The following PPARG variants were observed in gnomAD, a reference collection of about 807,000 sequenced individuals.
The protein encoded by PPARG is peroxisome proliferator activated receptor gamma.
A neutral mutation model predicts 39.2 loss-of-function variants in PPARG; 17 were observed. The ratio of observed to expected loss-of-function variants is 0.43; its 90% confidence interval spans 0.30 to 0.65. PPARG has a LOEUF of 0.65. Among genes scored for constraint, PPARG ranks in the 30% least tolerant of loss-of-function variants. The probability of loss-of-function intolerance (pLI) is 0.13; values close to 1 mark genes in which losing one functional copy is unlikely to be tolerated. For synonymous variants in PPARG, 223 were observed against 215.7 expected (o/e 1.03, Z -0.30); for missense variants, 406 against 585.9 (o/e 0.69, Z 3.17).
At chr3:12,379,426 G>A (rs1320926221) in intron 2 of PPARG, among the ~76,000 whole-genome samples, 2 of 152,184 alleles carry the variant, frequency 1.3e-5, no homozygotes, top group Non-Finnish European at 2.9e-5. Context: ...GTTAATGAGA[G>A]CAGGCCTGTT....
At position 12,434,277 on chromosome 3, in the gene PPARG, T is replaced by C. The variant is rs1187220612; in HGVS notation, c.*132T>C. On this transcript the variant is annotated 3_prime_UTR_variant, in exon 8 of 8. Coordinates refer to ENST00000651735, the MANE Select transcript of PPARG (RefSeq NM_138711.6). The surrounding 1 kb of genome is among the most constrained non-coding windows in gnomAD (Gnocchi z 4.2). ...AAAGGTTTTAGAATATGATCTATTT[T>C]ATGCATATTGTTTATAAAGACACAT... The C allele has an allele frequency of 8.6e-7, 1 of 1,165,996 alleles. No homozygotes were observed. The highest frequency in any genetic ancestry group is 1.2e-6 in the Non-Finnish European group (1 of 808,510). 72.2% of individuals were successfully genotyped at this position (1,165,996 alleles called of 1,614,324 possible). A position where few individuals can be genotyped will look rare whatever the true frequency, so the allele number is the denominator to read the frequency against.
At chr3:12,361,881 G>A (rs2048857627) in intron 2 of PPARG, among the ~76,000 whole-genome samples, 1 of 152,104 alleles carries the variant, frequency 6.6e-6, no homozygotes, top group South Asian at 2.1e-4. Flanking sequence ...GATTTTGATT[G>A]GAATTGTTCT....
intron 2 of PPARG, among the ~76,000 whole-genome samples, chr3:12,355,524 G>A (rs532653752): frequency 6.6e-6 from 1 of 152,112 alleles, no homozygotes; most frequent in South Asian, 2.1e-4. Context: ...TTCTGAGTAT[G>A]GCTCTAGCTT....
chr3:12,314,950 T>C (rs938663312), intron 2 of PPARG, among the ~76,000 whole-genome samples: 1 of 152,196 alleles, frequency 6.6e-6, no homozygotes, highest in South Asian at 2.1e-4. Flanking sequence ...CAGACACTTA[T>C]CATTTTTTTG....
At chr3:12,396,757 CAAA>C (rs1208855424) in intron 5 of PPARG, among the ~76,000 whole-genome samples, 7 of 56,248 alleles carry the variant, frequency 1.2e-4, no homozygotes, top group Admixed American at 1.9e-4. Context: ...GACCCAGTCT[CAAA>C]AAAAAAAAAA....
At chr3:12,307,839 G>A (rs377126335) in intron 1 of PPARG, among the ~76,000 whole-genome samples, 1 of 152,156 alleles carries the variant, frequency 6.6e-6, no homozygotes, top group Non-Finnish European at 1.5e-5. Context: ...CAGAGAATGA[G>A]GAGTTGTCCA....
At chr3:12,310,563 A>C (rs1190159356) in intron 1 of PPARG, among the ~76,000 whole-genome samples, 1 of 84,234 alleles carries the variant, frequency 1.2e-5, no homozygotes, top group Non-Finnish European at 2.4e-5. Flanking sequence ...TCCTGGGTTC[A>C]CGCCATTCTC....
intron 2 of PPARG, among the ~76,000 whole-genome samples, chr3:12,347,602 G>C (rs2125084969): frequency 6.6e-6 from 1 of 152,304 alleles, no homozygotes; most frequent in East Asian, 1.9e-4. Context: ...GGAAAAGGCA[G>C]CCATTCTTTT....
chr3:12,379,872 CAAG>C lies in PPARG; in HGVS notation c.164_166del (p.Arg55del). On this transcript the variant is annotated inframe_deletion, in exon 3 of 8. Coordinates refer to ENST00000651735, the MANE Select transcript of PPARG (RefSeq NM_138711.6). ...CCACATTACGAAGACATTCCATTCA[CAAG>C]AACAGATCCAGTGGTTGCAGATTAC... is the stretch of plus-strand genomic sequence containing the variant. 1 of 1,613,894 alleles carries C rather than the reference CAAG, an allele frequency of 6.2e-7. No homozygotes were observed.
At chr3:12,346,238 A>G (rs2125081540) in intron 2 of PPARG, among the ~76,000 whole-genome samples, 1 of 152,316 alleles carries the variant, frequency 6.6e-6, no homozygotes, top group South Asian at 2.1e-4. Flanking sequence ...ATCATCAGAC[A>G]CTATTTTTTC....
At chr3:12,425,681 G>A (rs1323550540) in intron 7 of PPARG, among the ~76,000 whole-genome samples, 2 of 152,160 alleles carry the variant, frequency 1.3e-5, no homozygotes, top group Non-Finnish European at 2.9e-5. Context: ...GGACAGAGAA[G>A]GAGCAGAAAT....
chr3:12,346,010 T>C (rs939084079), intron 2 of PPARG, among the ~76,000 whole-genome samples: 2 of 152,222 alleles, frequency 1.3e-5, no homozygotes, highest in African/African-American at 2.4e-5. Context: ...AACAGCTTAC[T>C]AGAGAATTTC....
At chr3:12,406,548 T>TTTTTTTTTTTTTTTTTTTTTTG (rs2050678175) in intron 6 of PPARG, 1 of 155,042 alleles carries the variant, frequency 6.4e-6, no homozygotes, top group Non-Finnish European at 1.4e-5. Flanking sequence ...TTTTTTTTTT[T>TTTTTTTTTTTTTTTTTTTTTTG]TTTTTTTTTG....
At chr3:12,381,908 C>G (rs1479244472) in intron 4 of PPARG, among the ~76,000 whole-genome samples, 2 of 151,334 alleles carry the variant, frequency 1.3e-5, no homozygotes, top group East Asian at 3.8e-4. Flanking sequence ...TTCCTGCATT[C>G]TCTAGTTGTT....
At chr3:12,432,290 A>G (rs963355792) in intron 7 of PPARG, among the ~76,000 whole-genome samples, 1 of 152,240 alleles carries the variant, frequency 6.6e-6, no homozygotes, top group Non-Finnish European at 1.5e-5. Flanking sequence ...TACAAATACA[A>G]AAACTCTATA....
At chr3:12,375,799 T>C (rs1187430757) in intron 2 of PPARG, among the ~76,000 whole-genome samples, 1 of 152,204 alleles carries the variant, frequency 6.6e-6, no homozygotes, top group African/African-American at 2.4e-5. Context: ...CTTTTTGGTG[T>C]GCAGTGTTGA....
At chr3:12,432,320 T>C (rs2051689150) in intron 7 of PPARG, among the ~76,000 whole-genome samples, 1 of 152,168 alleles carries the variant, frequency 6.6e-6, no homozygotes, top group African/African-American at 2.4e-5. Context: ...AGCAAGTGAG[T>C]ACAAGAGTAT....
intron 2 of PPARG, among the ~76,000 whole-genome samples, chr3:12,362,245 G>T (rs1210247772): frequency 6.6e-6 from 1 of 152,038 alleles, no homozygotes; most frequent in African/African-American, 2.4e-5. Context: ...TGCCTAACAT[G>T]GTGGCTCATG....
At chr3:12,336,902 T>G (rs1034629338) in intron 2 of PPARG, among the ~76,000 whole-genome samples, 1 of 152,216 alleles carries the variant, frequency 6.6e-6, no homozygotes, top group Non-Finnish European at 1.5e-5. Flanking sequence ...TTGAATAGGG[T>G]ACTCTCCTGA....
Sources: gnomAD v4.1 joint callset for allele counts (sites outside exome capture counted in the v4.1 genomes callset) on GRCh38, gnomAD v4.1.1 for gene constraint, Gnocchi (gnomAD v3.1) non-coding constraint, MANE v1.5 for transcripts, NCBI Gene and HGNC (gene_info 2026-07-23, HGNC 2026-07-21) for gene names.